The following PTPRD variants were observed in gnomAD, a reference collection of about 807,000 sequenced individuals.
The protein encoded by PTPRD is receptor-type tyrosine-protein phosphatase delta.
A neutral mutation model predicts 214.5 loss-of-function variants in PTPRD; 34 were observed. The ratio of observed to expected loss-of-function variants is 0.16; its 90% CI spans 0.12 to 0.21. The LOEUF (loss-of-function observed/expected upper bound fraction) is 0.21, where lower values mean the gene tolerates loss of function less well. PTPRD is among the 10% of genes least tolerant of loss of function. The probability of loss-of-function intolerance (pLI) is 1.00; values close to 1 mark genes in which losing one functional copy is unlikely to be tolerated. For missense variants in PTPRD, 2,545 were observed against 2,398.7 expected (o/e 1.06, Z -1.27); for synonymous variants, 1,128 against 845.7 (o/e 1.33, Z -5.79).
chr9:10,094,801 A>G (rs1301086858), intron 3 of PTPRD, among the ~76,000 whole-genome samples: 7 of 151,566 alleles, frequency 4.6e-5, no homozygotes, highest in Non-Finnish European at 1.0e-4. Context: ...ATTTCAAAAA[A>G]TGTTTTGACA....
intron 3 of PTPRD, among the ~76,000 whole-genome samples, chr9:10,172,941 A>AGTTTT (rs140735397): frequency 1.4e-4 from 22 of 152,100 alleles, no homozygotes; most frequent in Non-Finnish European, 3.1e-4. Flanking sequence ...AACTTAAATA[A>AGTTTT]AACTAATAGT....
At chr9:10,458,015 A>G (rs752509133) in intron 2 of PTPRD, among the ~76,000 whole-genome samples, 2 of 152,082 alleles carry the variant, frequency 1.3e-5, no homozygotes, top group Non-Finnish European at 2.9e-5. Context: ...AATAAATAGA[A>G]AGCCTGAACA....
intron 20 of PTPRD, 119 bp from the exon 21 acceptor site, chr9:8,518,548 G>T: frequency 1.4e-6 from 1 of 736,124 alleles, no homozygotes; most frequent in Non-Finnish European, 2.1e-6. Context: ...TTAATTAAAT[G>T]AAATTATAGC....
intron 11 of PTPRD, among the ~76,000 whole-genome samples, chr9:8,963,819 G>T (rs780971217): frequency 1.3e-5 from 2 of 151,978 alleles, no homozygotes; most frequent in African/African-American, 2.4e-5. Context: ...TTCCTATGTT[G>T]CCCAAGCTGG....
At chr9:10,190,773 G>A (rs78294361) in intron 3 of PTPRD, among the ~76,000 whole-genome samples, 1 of 132,444 alleles carries the variant, frequency 7.6e-6, no homozygotes, top group African/African-American at 2.8e-5. Context: ...CAGCATTTTA[G>A]AAAAACAACT....
At chr9:9,634,760 T>G (rs1047888786) in intron 7 of PTPRD, among the ~76,000 whole-genome samples, 2 of 152,192 alleles carry the variant, frequency 1.3e-5, no homozygotes, top group African/African-American at 4.8e-5. Flanking sequence ...ATATTTTAAT[T>G]TGAATGTGTA....
intron 2 of PTPRD, among the ~76,000 whole-genome samples, chr9:10,529,797 C>G (rs1460164624): frequency 6.6e-6 from 1 of 151,554 alleles, no homozygotes; most frequent in Admixed American, 6.6e-5. Context: ...AGCAAACTTA[C>G]ACAGAAACAC....
chr9:9,686,133 T>A (rs575429400), intron 7 of PTPRD, among the ~76,000 whole-genome samples: 1 of 151,408 alleles, frequency 6.6e-6, no homozygotes, highest in African/African-American at 2.4e-5. Flanking sequence ...GGATTTTTGT[T>A]GTTGCTGTTG....
chr9:10,113,718 T>C (rs373474270), intron 3 of PTPRD, among the ~76,000 whole-genome samples: 15 of 152,220 alleles, frequency 9.9e-5, no homozygotes, highest in Non-Finnish European at 1.5e-5. Context: ...TAAAAAAATC[T>C]TTAAGACAAT....
chr9:10,016,989 T>A (rs1445291653), intron 4 of PTPRD, among the ~76,000 whole-genome samples: 1 of 152,156 alleles, frequency 6.6e-6, no homozygotes, highest in Non-Finnish European at 1.5e-5. Flanking sequence ...AGCATTTCTT[T>A]AGGATAGTAA....
chr9:8,534,472 G>A (rs545717168), intron 14 of PTPRD, among the ~76,000 whole-genome samples: 14 of 151,852 alleles, frequency 9.2e-5, no homozygotes, highest in East Asian at 1.9e-4. Flanking sequence ...GATATCTTAC[G>A]GTTTGAGTCA....
intron 9 of PTPRD, among the ~76,000 whole-genome samples, chr9:9,276,861 G>T (rs555900418): frequency 6.6e-6 from 1 of 151,346 alleles, no homozygotes. Flanking sequence ...CATAAACAAA[G>T]AGAGGCCATT....
intron 3 of PTPRD, among the ~76,000 whole-genome samples, chr9:10,288,924 T>G (rs1347610809): frequency 6.6e-6 from 1 of 152,146 alleles, no homozygotes; most frequent in East Asian, 1.9e-4. Context: ...TTAAAAAAAC[T>G]GACTATATAA....
intron 10 of PTPRD, among the ~76,000 whole-genome samples, chr9:9,145,987 G>T (rs2099868002): frequency 6.6e-6 from 1 of 152,190 alleles, no homozygotes; most frequent in African/African-American, 2.4e-5. Context: ...ACAAGTGCCT[G>T]ATGGCGCTTT....
intron 11 of PTPRD, among the ~76,000 whole-genome samples, chr9:8,947,979 G>T (rs1299866706): frequency 1.3e-5 from 2 of 150,234 alleles, no homozygotes; most frequent in East Asian, 4.0e-4. Context: ...ACACTAGTAA[G>T]TTATGTCCAG....
intron 39 of PTPRD, among the ~76,000 whole-genome samples, chr9:8,351,169 A>G (rs2075336402): frequency 1.3e-5 from 2 of 152,200 alleles, no homozygotes; most frequent in South Asian, 4.1e-4. Context: ...ACCCTCTCCA[A>G]AATAGCATCT....
At chr9:9,490,805 A>C (rs528957621) in intron 8 of PTPRD, among the ~76,000 whole-genome samples, 4 of 152,030 alleles carry the variant, frequency 2.6e-5, no homozygotes, top group African/African-American at 9.6e-5. Flanking sequence ...GCAGGAAATG[A>C]GGGACAAGAA....
At chr9:9,434,861 A>C (rs2084595740) in intron 8 of PTPRD, among the ~76,000 whole-genome samples, 2 of 148,470 alleles carry the variant, frequency 1.3e-5, no homozygotes, top group South Asian at 4.2e-4. Context: ...ATAATATATA[A>C]TCTATAATAT....
At chr9:9,205,565 C>A (rs956581910) in intron 9 of PTPRD, among the ~76,000 whole-genome samples, 1 of 152,158 alleles carries the variant, frequency 6.6e-6, no homozygotes, top group Non-Finnish European at 1.5e-5. Flanking sequence ...TTAAGACAGT[C>A]TTCTTTCTTT....
Sources: gnomAD v4.1 joint callset for allele counts (sites outside exome capture counted in the v4.1 genomes callset) on GRCh38, gnomAD v4.1.1 for gene constraint, MANE v1.5 for transcripts, NCBI Gene and HGNC (gene_info 2026-07-23, HGNC 2026-07-21) for gene names.